NEBL: variants seen among roughly 807,000 people sequenced by gnomAD.
The protein encoded by NEBL is nebulette, also known as LIM and SH3 protein 2.
A neutral mutation model predicts 140.2 loss-of-function variants in NEBL; 122 were observed. The observed-to-expected ratio is 0.87, with a 90% CI of 0.75 to 1.01. The LOEUF is 1.01. Among genes scored for constraint, NEBL ranks in the 50% least tolerant of loss-of-function variants. NEBL has a pLI of 0.00. For synonymous variants in NEBL, 436 were observed against 398.9 expected (o/e 1.09, Z -1.11); for missense variants, 1,365 against 1,231.3 (o/e 1.11, Z -1.62).
intron 4 of NEBL, among the ~76,000 whole-genome samples, chr10:20,910,483 C>G (rs1848282899): frequency 6.6e-6 from 1 of 152,138 alleles, no homozygotes; most frequent in South Asian, 2.1e-4. Flanking sequence ...TACAACTGAT[C>G]AGACAAGGAT....
chr10:21,191,480 A>G (rs1386829985), intron 3 of NEBL, among the ~76,000 whole-genome samples: 1 of 152,144 alleles, frequency 6.6e-6, no homozygotes, highest in Non-Finnish European at 1.5e-5. Flanking sequence ...TTTATAGTAC[A>G]TGGATACCAG....
intron 3 of NEBL, among the ~76,000 whole-genome samples, chr10:21,007,619 G>A (rs7091275): frequency 0.029 from 4,459 of 152,174 alleles, 216 homozygotes; most frequent in African/African-American, 0.1. Flanking sequence ...TTATTTATTA[G>A]TAACCATTAA....
Position 21,173,641 on chromosome 10 carries a change from T to C in NEBL, c.69+124A>G, listed in dbSNP as rs1258325805. On this transcript the variant is annotated intron_variant, in intron 1 of 6. Coordinates refer to the NEBL transcript ENST00000417816. The surrounding 1 kb of genome is among the most constrained non-coding windows in gnomAD (Gnocchi z 5.7). ...TCTTCGTTCGCGCGCCCTCCCCCCG[T>C]GCCAAGGCACACGCACACGCACCGA... 4.0e-6 allele frequency: 6 copies of C among 1,516,600 alleles called. No homozygotes were observed. Among genetic ancestry groups the C allele is most frequent in the South Asian group, 1.2e-5 (1 of 86,670 alleles). 93.9% of individuals were successfully genotyped at this position (1,516,600 alleles called of 1,614,324 possible).
At chr10:21,197,338 A>C (rs933905207) in intron 3 of NEBL, among the ~76,000 whole-genome samples, 1 of 152,244 alleles carries the variant, frequency 6.6e-6, no homozygotes, top group Non-Finnish European at 1.5e-5. Flanking sequence ...GCTGTTCCAC[A>C]ATATGTCTAG....
intron 4 of NEBL, among the ~76,000 whole-genome samples, chr10:20,930,708 T>C (rs1442738678): frequency 1.3e-5 from 2 of 152,202 alleles, no homozygotes; most frequent in Non-Finnish European, 2.9e-5. Flanking sequence ...AGACGGCTTC[T>C]ACTTAGACAT....
intron 4 of NEBL, among the ~76,000 whole-genome samples, chr10:20,951,808 G>A (rs1350579557): frequency 6.6e-6 from 1 of 152,120 alleles, no homozygotes; most frequent in Non-Finnish European, 1.5e-5. Flanking sequence ...CTGTGGCTAT[G>A]TCCCAAAAGG....
intron 3 of NEBL, among the ~76,000 whole-genome samples, chr10:21,246,586 C>T (rs1016640663): frequency 2.6e-5 from 4 of 151,892 alleles, no homozygotes; most frequent in African/African-American, 9.7e-5. Context: ...AGTCTGAGAC[C>T]AGCCTGCCTA....
At chr10:20,921,323 T>A (rs1833567421) in intron 4 of NEBL, among the ~76,000 whole-genome samples, 1 of 152,180 alleles carries the variant, frequency 6.6e-6, no homozygotes, top group Non-Finnish European at 1.5e-5. Context: ...CCTGCCCTGT[T>A]CCATGTCCCA....
chr10:20,814,761 C>T (rs1318790013), intron 22 of NEBL, among the ~76,000 whole-genome samples: 3 of 151,764 alleles, frequency 2.0e-5, no homozygotes, highest in African/African-American at 7.3e-5. Context: ...TGCATACAAG[C>T]TACTCTATTT....
intron 1 of NEBL, 46 bp downstream of exon 1, chr10:20,897,079 A>T (rs542004548): frequency 6.2e-7 from 1 of 1,600,048 alleles, no homozygotes; most frequent in African/African-American, 1.3e-5. Flanking sequence ...CTCATTGTCA[A>T]TTTAGAGGAA....
chr10:20,921,202 C>A (rs536373810), intron 4 of NEBL, among the ~76,000 whole-genome samples: 38 of 152,274 alleles, frequency 2.5e-4, no homozygotes, highest in African/African-American at 8.4e-4. Context: ...CTGATCCATG[C>A]CAAATTTTTC....
intron 2 of NEBL, among the ~76,000 whole-genome samples, chr10:21,090,503 G>A (rs1178343890): frequency 6.6e-6 from 1 of 152,194 alleles, no homozygotes; most frequent in African/African-American, 2.4e-5. Flanking sequence ...GCCATTTTAT[G>A]TCAGGGACTT....
chr10:20,860,342 T>A (rs1317450653), intron 7 of NEBL, among the ~76,000 whole-genome samples: 1 of 152,008 alleles, frequency 6.6e-6, no homozygotes, highest in Non-Finnish European at 1.5e-5. Context: ...TGGGTCAACT[T>A]AATGTCAATG....
At chr10:21,079,522 C>A (rs1484889417) in intron 2 of NEBL, among the ~76,000 whole-genome samples, 1 of 152,146 alleles carries the variant, frequency 6.6e-6, no homozygotes, top group Non-Finnish European at 1.5e-5. Context: ...AACCTTTTCT[C>A]CAAGTTGGCA....
At position 20,856,884 on chromosome 10, in the gene NEBL, G is replaced by T. The variant is rs536185012; in HGVS notation, c.903+1356C>A. Reference sequence around the variant, plus strand: ...CAGAGTCTCACTCTTGCCTAGGCTGGAGCACATTGGTGCCATCTCAGCTCA... The same window carrying T: ...CAGAGTCTCACTCTTGCCTAGGCTGTAGCACATTGGTGCCATCTCAGCTCA... On this transcript the variant is annotated intron_variant, in intron 9 of 27. Coordinates refer to ENST00000377122, the MANE Select transcript of NEBL (RefSeq NM_006393.3). 2.0e-5 allele frequency among the ~76,000 whole-genome samples: 3 copies of T among 151,704 alleles called. No individual in the cohort carries two copies. In the South Asian group the frequency reaches 6.3e-4, roughly 32 times the overall value.
intron 9 of NEBL, 69 bp from the exon 10 acceptor site, chr10:20,852,718 T>C (rs1454149417): frequency 1.6e-5 from 20 of 1,268,980 alleles, no homozygotes; most frequent in Non-Finnish European, 2.1e-5. Flanking sequence ...TACTTAGAAA[T>C]ACAAACTGCA....
chr10:21,119,582 T>C (rs1027016463), intron 2 of NEBL, among the ~76,000 whole-genome samples: 1 of 151,436 alleles, frequency 6.6e-6, no homozygotes, highest in Non-Finnish European at 1.5e-5. Flanking sequence ...ACCATACATG[T>C]TTTAGATAAT....
chr10:20,848,243 C>T (rs910013088), intron 11 of NEBL, among the ~76,000 whole-genome samples: 2 of 152,130 alleles, frequency 1.3e-5, no homozygotes, highest in Admixed American at 6.6e-5. Flanking sequence ...ACTTTATATA[C>T]TTTATACAGT....
Position 21,173,725 on chromosome 10 carries a change from G to T in NEBL, c.69+40C>A. 3 of 1,611,154 alleles carry T rather than the reference G, an allele frequency of 1.9e-6. No individual in the cohort carries two copies. Among genetic ancestry groups the T allele is most frequent in the Non-Finnish European group, 2.5e-6 (3 of 1,179,640 alleles). ...CTTCTCGAAGCAGGTGCAGCCCCTCGCCCGGCAGGTCCAGGCTGGCCCGGC... is the reference window on the plus strand; with the variant it reads ...CTTCTCGAAGCAGGTGCAGCCCCTCTCCCGGCAGGTCCAGGCTGGCCCGGC... On this transcript the variant is annotated intron_variant, in intron 1 of 6. Transcript: ENST00000417816. This position sits in a 1 kb window ranked among gnomAD's most constrained non-coding sequence, Gnocchi z 5.7.
Sources: gnomAD v4.1 joint callset for allele counts (sites outside exome capture counted in the v4.1 genomes callset) on GRCh38, gnomAD v4.1.1 for gene constraint, Gnocchi (gnomAD v3.1) non-coding constraint, MANE v1.5 for transcripts, NCBI Gene and HGNC (gene_info 2026-07-23, HGNC 2026-07-21) for gene names.